Variants in SLC24A2 observed in about 807,000 individuals in gnomAD.
The protein encoded by SLC24A2 is solute carrier family 24 member 2.
SLC24A2 carries 36 observed loss-of-function variants against 62.0 expected under a neutral mutation model. The ratio of observed to expected loss-of-function variants is 0.58; its 90% CI spans 0.44 to 0.77. The LOEUF is 0.77. SLC24A2 is among the 30% of genes least tolerant of loss of function. The pLI, the probability that SLC24A2 is intolerant of heterozygous loss-of-function variation, is 0.00. For synonymous variants in SLC24A2, 358 were observed against 294.0 expected (o/e 1.22, Z -2.23); for missense variants, 846 against 817.9 (o/e 1.03, Z -0.42).
At chr9:20,148,798 G>T in the SLC24A2 span, among the ~76,000 whole-genome samples, 6 of 152,056 alleles carry the variant, frequency 3.9e-5, no homozygotes, top group African/African-American at 1.2e-4. Context: ...GGAATATTTT[G>T]ACAGTGGATG....
At chr9:19,560,914 T>TAG (rs1242520050) in intron 7 of SLC24A2, among the ~76,000 whole-genome samples, 4 of 106,412 alleles carry the variant, frequency 3.8e-5, no homozygotes, top group Admixed American at 1.0e-4. Context: ...TATATATATA[T>TAG]ATAGAGAGAG....
the SLC24A2 span, among the ~76,000 whole-genome samples, chr9:20,306,338 C>A: frequency 7.2e-5 from 11 of 152,272 alleles, no homozygotes; most frequent in African/African-American, 1.2e-4. Context: ...ACAACAACAA[C>A]AAAAAATGCA....
At chr9:19,849,338 T>A in the SLC24A2 span, among the ~76,000 whole-genome samples, 1 of 152,204 alleles carries the variant, frequency 6.6e-6, no homozygotes, top group African/African-American at 2.4e-5. Context: ...TCTCTGATAA[T>A]GTAAAGCATA....
the SLC24A2 span, among the ~76,000 whole-genome samples, chr9:20,042,902 T>C: frequency 6.6e-6 from 1 of 152,240 alleles, no homozygotes; most frequent in African/African-American, 2.4e-5. Context: ...GCCATGCCCA[T>C]GTAAGATGGA....
chr9:20,194,249 C>G, the SLC24A2 span, among the ~76,000 whole-genome samples: 1 of 152,054 alleles, frequency 6.6e-6, no homozygotes, highest in Non-Finnish European at 1.5e-5. Context: ...ACCTATAAGT[C>G]TTAGACTTCT....
chr9:20,117,457 T>C, the SLC24A2 span, among the ~76,000 whole-genome samples: 3 of 152,148 alleles, frequency 2.0e-5, no homozygotes, highest in Non-Finnish European at 2.9e-5. Flanking sequence ...AGAAACCAGC[T>C]GCCACGTTTG....
chr9:19,884,901 G>C, the SLC24A2 span, among the ~76,000 whole-genome samples: 6 of 152,126 alleles, frequency 3.9e-5, no homozygotes, highest in African/African-American at 1.4e-4. Context: ...ATACATTTTT[G>C]ACTTAGGATT....
chr9:19,601,830 T>C (rs868271879), intron 4 of SLC24A2, among the ~76,000 whole-genome samples: 1 of 152,118 alleles, frequency 6.6e-6, no homozygotes, highest in South Asian at 2.1e-4. Context: ...CTTATGCAAA[T>C]GAGAAAAATA....
At chr9:19,889,508 C>G in the SLC24A2 span, among the ~76,000 whole-genome samples, 1 of 152,160 alleles carries the variant, frequency 6.6e-6, no homozygotes, top group Non-Finnish European at 1.5e-5. Flanking sequence ...TAGCAATCAC[C>G]AAAACTTCCT....
the SLC24A2 span, among the ~76,000 whole-genome samples, chr9:19,944,954 T>G: frequency 6.6e-6 from 1 of 152,298 alleles, no homozygotes; most frequent in Admixed American, 6.5e-5. Flanking sequence ...TGTATGTATC[T>G]TATCAGTAAT....
the SLC24A2 span, among the ~76,000 whole-genome samples, chr9:19,799,093 G>A: frequency 2.6e-5 from 4 of 151,884 alleles, no homozygotes; most frequent in African/African-American, 9.7e-5. Context: ...TCTACTTCTT[G>A]CTGTTGCTAA....
chr9:20,256,990 C>G, the SLC24A2 span, among the ~76,000 whole-genome samples: 121 of 152,228 alleles, frequency 7.9e-4, no homozygotes, highest in African/African-American at 2.7e-3. Context: ...GTATTATTCT[C>G]TTTGCACAAT....
chr9:19,933,528 C>T, the SLC24A2 span, among the ~76,000 whole-genome samples: 5 of 152,078 alleles, frequency 3.3e-5, no homozygotes, highest in Admixed American at 2.0e-4. Flanking sequence ...TCAAAGAACG[C>T]GCCGGGGGTG....
At chr9:20,274,770 C>T in the SLC24A2 span, among the ~76,000 whole-genome samples, 1 of 151,420 alleles carries the variant, frequency 6.6e-6, no homozygotes, top group African/African-American at 2.4e-5. Flanking sequence ...CCATGGCTTC[C>T]TCATCCACCG....
At chr9:19,988,957 G>A in the SLC24A2 span, among the ~76,000 whole-genome samples, 2 of 152,126 alleles carry the variant, frequency 1.3e-5, no homozygotes, top group African/African-American at 4.8e-5. Context: ...TTTCTTTTAG[G>A]AAGCTAACTT....
intron 4 of SLC24A2, among the ~76,000 whole-genome samples, chr9:19,603,277 A>T (rs946493428): frequency 1.3e-5 from 2 of 152,142 alleles, no homozygotes; most frequent in Non-Finnish European, 2.9e-5. Flanking sequence ...ACATTTACAA[A>T]ATCAAGCAAA....
At chr9:19,562,249 C>T (rs1366194320) in intron 7 of SLC24A2, among the ~76,000 whole-genome samples, 1 of 151,956 alleles carries the variant, frequency 6.6e-6, no homozygotes, top group Non-Finnish European at 1.5e-5. Flanking sequence ...AAAAATAATT[C>T]AAAAATCATT....
chr9:20,089,516 A>G, the SLC24A2 span, among the ~76,000 whole-genome samples: 1 of 151,952 alleles, frequency 6.6e-6, no homozygotes, highest in Non-Finnish European at 1.5e-5. Context: ...GCCACCATAC[A>G]AAGAGGAGTC....
chr9:20,132,290 G>C, the SLC24A2 span, among the ~76,000 whole-genome samples: 2 of 152,084 alleles, frequency 1.3e-5, no homozygotes, highest in African/African-American at 4.8e-5. Context: ...TTAGAGAAAA[G>C]TTTGCTGCAA....
Sources: gnomAD v4.1 joint callset for allele counts (sites outside exome capture counted in the v4.1 genomes callset) on GRCh38, gnomAD v4.1.1 for gene constraint, MANE v1.5 for transcripts, NCBI Gene and HGNC (gene_info 2026-07-23, HGNC 2026-07-21) for gene names.